Variants in SMYD3 observed in about 807,000 individuals in gnomAD.
The protein encoded by SMYD3 is histone-lysine N-methyltransferase SMYD3.
A neutral mutation model predicts 57.7 loss-of-function variants in SMYD3; 36 were observed. That is an observed-to-expected ratio of 0.62 (90% CI 0.48 to 0.82). The LOEUF is 0.82. SMYD3 is among the 40% of genes least tolerant of loss of function. The pLI is 0.00. For synonymous variants in SMYD3, 211 were observed against 195.0 expected (o/e 1.08, Z -0.68); for missense variants, 515 against 538.8 (o/e 0.96, Z 0.44).
rs143476169 is a variant in SMYD3 at position 246,247,444 on chromosome 1, ACTCTCTCTCTCTCTCT to A, written c.531+79741_531+79756del. Among the ~76,000 whole-genome samples, 110 of 142,846 alleles carry A rather than the reference ACTCTCTCTCTCTCTCT, an allele frequency of 7.7e-4. 4 individuals carry two copies. The highest frequency in any genetic ancestry group is 1.8e-3 in the East Asian group (8 of 4,560). The allele number at this position is 142,846 out of a possible 152,430, so 93.7% of individuals were successfully genotyped here. A position where few individuals can be genotyped will look rare whatever the true frequency, so the allele number is the denominator to read the frequency against. Reference sequence around the variant, plus strand: ...CTGTGGTTTAAGAAAGAGAAGGATAACTCTCTCTCTCTCTCTCTCTCTATATATATATATATATATA... The same window carrying A: ...CTGTGGTTTAAGAAAGAGAAGGATAACTCTCTATATATATATATATATATA... On this transcript the variant is annotated intron_variant, in intron 5 of 11. Transcript: ENST00000490107.
At chr1:246,339,780 A>G (rs116213659) in intron 2 of SMYD3, among the ~76,000 whole-genome samples, 4,793 of 152,260 alleles carry the variant, frequency 0.031, 94 homozygotes, top group Non-Finnish European at 0.04. Context: ...TCATGTCACT[A>G]TTGCAACAGT....
chr1:246,296,956 T>C (rs1304037514), intron 5 of SMYD3, among the ~76,000 whole-genome samples: 1 of 152,112 alleles, frequency 6.6e-6, no homozygotes, highest in African/African-American at 2.4e-5. Context: ...TAACAATCGA[T>C]GAATACAATA....
chr1:246,113,175 C>T (rs1257906218), intron 5 of SMYD3, among the ~76,000 whole-genome samples: 1 of 147,116 alleles, frequency 6.8e-6, no homozygotes, highest in African/African-American at 2.5e-5. Context: ...GAGTAAGACT[C>T]TGTCTCAAAA....
chr1:246,097,277 G>C (rs2060931455), intron 5 of SMYD3, among the ~76,000 whole-genome samples: 1 of 152,072 alleles, frequency 6.6e-6, no homozygotes, highest in Non-Finnish European at 1.5e-5. Flanking sequence ...AATAAATAGG[G>C]AGGGGGTTAC....
intron 1 of SMYD3, among the ~76,000 whole-genome samples, chr1:246,365,657 C>T (rs1253214643): frequency 6.6e-6 from 1 of 151,968 alleles, no homozygotes; most frequent in Non-Finnish European, 1.5e-5. Flanking sequence ...ACCTAATCAC[C>T]ACTCCCCACC....
At chr1:245,921,968 C>T (rs1397265503) in intron 7 of SMYD3, among the ~76,000 whole-genome samples, 8 of 151,904 alleles carry the variant, frequency 5.3e-5, no homozygotes, top group Admixed American at 5.2e-4. Context: ...GCACATGTGC[C>T]CCCTGAATCT....
At chr1:246,160,738 G>A (rs908929079) in intron 5 of SMYD3, among the ~76,000 whole-genome samples, 6 of 152,178 alleles carry the variant, frequency 3.9e-5, no homozygotes, top group African/African-American at 1.4e-4. Context: ...CTGACACAGA[G>A]CTATAGCAAG....
At chr1:246,307,229 A>AGAGAGAGTTTGG (rs1314030916) in intron 5 of SMYD3, among the ~76,000 whole-genome samples, 1 of 152,088 alleles carries the variant, frequency 6.6e-6, no homozygotes, top group African/African-American at 2.4e-5. Context: ...CTTCTTTTAT[A>AGAGAGAGTTTGG]GATCTCAAAC....
chr1:245,982,423 G>T (rs1350534467), intron 5 of SMYD3, among the ~76,000 whole-genome samples: 1 of 152,270 alleles, frequency 6.6e-6, no homozygotes, highest in East Asian at 1.9e-4. Context: ...CACTACATCT[G>T]TCCCACATTT....
rs56280002 is a variant in SMYD3, at chr1:246,478,649, C to T, written c.164+28405G>A. Among the ~76,000 whole-genome samples the T allele has an allele frequency of 1.7e-4, 19 of 109,750 alleles. 1 individual carries two copies. The highest frequency in any genetic ancestry group is 5.3e-4 in the East Asian group (2 of 3,790). The allele number at this position is 109,750 out of a possible 152,430, so 72.0% of individuals were successfully genotyped here. On this transcript the variant is annotated intron_variant, in intron 1 of 11. Transcript: ENST00000490107. ...TGCTCATATATGTACATCTGTCCTC[C>T]GTCCTGGAGCTGGTACGTAAGTGCT...
At chr1:246,397,002 T>C (rs2066684101) in intron 1 of SMYD3, among the ~76,000 whole-genome samples, 1 of 152,216 alleles carries the variant, frequency 6.6e-6, no homozygotes, top group African/African-American at 2.4e-5. Flanking sequence ...AGTGTGTCAC[T>C]GTGATGTAGA....
intron 5 of SMYD3, among the ~76,000 whole-genome samples, chr1:246,232,593 A>T (rs2063431048): frequency 6.9e-6 from 1 of 145,778 alleles, no homozygotes; most frequent in African/African-American, 2.5e-5. Context: ...ATGAACATAT[A>T]CCACACAGAG....
At chr1:246,492,197 T>C (rs2103069653) in intron 1 of SMYD3, among the ~76,000 whole-genome samples, 1 of 152,304 alleles carries the variant, frequency 6.6e-6, no homozygotes, top group Admixed American at 6.5e-5. Context: ...AATTAGTCCA[T>C]GTTTTTCAGA....
intron 1 of SMYD3, among the ~76,000 whole-genome samples, chr1:246,442,555 A>C (rs926223653): frequency 6.6e-6 from 1 of 151,866 alleles, no homozygotes; most frequent in East Asian, 1.9e-4. Context: ...TCTCAAAAAA[A>C]AATAAAATAA....
intron 10 of SMYD3, among the ~76,000 whole-genome samples, chr1:245,765,919 G>A (rs71636584): frequency 0.17 from 26,344 of 152,026 alleles, 2,482 homozygotes; most frequent in East Asian, 0.33. Context: ...GATTTACCAG[G>A]AGAGACAGGT....
intron 5 of SMYD3, among the ~76,000 whole-genome samples, chr1:246,162,449 C>T (rs573773010): frequency 7.8e-4 from 119 of 152,150 alleles, no homozygotes; most frequent in Non-Finnish European, 1.6e-3. Context: ...CCACGTAAGG[C>T]ATATTAATTA....
At chr1:245,755,818 T>C (rs1283225591) in intron 11 of SMYD3, among the ~76,000 whole-genome samples, 1 of 152,092 alleles carries the variant, frequency 6.6e-6, no homozygotes, top group Non-Finnish European at 1.5e-5. Flanking sequence ...TATGCTTGAG[T>C]CATTTGTTAA....
At chr1:246,148,017 G>A (rs540870610) in intron 5 of SMYD3, among the ~76,000 whole-genome samples, 10 of 152,090 alleles carry the variant, frequency 6.6e-5, no homozygotes, top group East Asian at 1.9e-4. Context: ...GGCCGAGCCC[G>A]GGGCAGCAGG....
At chr1:245,870,367 C>T (rs943055812) in intron 8 of SMYD3, among the ~76,000 whole-genome samples, 13 of 152,164 alleles carry the variant, frequency 8.5e-5, no homozygotes, top group East Asian at 1.9e-4. Flanking sequence ...GGAAACCCCA[C>T]GCCGGCTCCG....
Sources: allele counts gnomAD v4.1 joint callset (sites outside exome capture counted in the v4.1 genomes callset), GRCh38; gene constraint gnomAD v4.1.1; transcripts MANE v1.5; gene names NCBI Gene and HGNC (gene_info 2026-07-23, HGNC 2026-07-21).